The following P4HA3 variants were observed in gnomAD, a reference collection of about 807,000 sequenced individuals.
The protein encoded by P4HA3 is prolyl 4-hydroxylase subunit alpha 3, also known as prolyl 4-hydroxylase subunit alpha-3.
P4HA3 carries 60 observed loss-of-function variants against 66.7 expected under a neutral mutation model. The observed-to-expected ratio is 0.90, with a 90% CI of 0.73 to 1.12. P4HA3 has a LOEUF of 1.12. Ranked by LOEUF, P4HA3 falls within the 50% of genes most tolerant of loss-of-function variation. The pLI is 0.00. For missense variants in P4HA3, 683 were observed against 685.8 expected (o/e 1.00, Z 0.05); for synonymous variants, 263 against 274.6 (o/e 0.96, Z 0.42).
At chr11:74,256,589 G>C (rs534545153) in intron 15 of P4HA3, among the ~76,000 whole-genome samples, 1 of 152,138 alleles carries the variant, frequency 6.6e-6, no homozygotes, top group African/African-American at 2.4e-5. Context: ...CCTACTATGT[G>C]TTGGCCATAA....
At chr11:74,281,078 C>A (rs1351373536) in intron 7 of P4HA3, among the ~76,000 whole-genome samples, 1 of 152,194 alleles carries the variant, frequency 6.6e-6, no homozygotes, top group Non-Finnish European at 1.5e-5. Flanking sequence ...TGAACAGACA[C>A]TTCTCAAAAG....
intron 9 of P4HA3, among the ~76,000 whole-genome samples, chr11:74,275,671 A>G (rs752010400): frequency 1.3e-5 from 2 of 152,124 alleles, no homozygotes; most frequent in African/African-American, 2.4e-5. Flanking sequence ...TTGCATTTCC[A>G]TATACATTTT....
At chr11:74,299,905 T>C (rs964911939) in intron 3 of P4HA3, among the ~76,000 whole-genome samples, 21 of 152,152 alleles carry the variant, frequency 1.4e-4, no homozygotes, top group Non-Finnish European at 2.8e-4. Context: ...CTCATGAAAC[T>C]GGATTCTATA....
At chr11:74,290,591 G>T (rs2134780645) in intron 4 of P4HA3, among the ~76,000 whole-genome samples, 1 of 151,898 alleles carries the variant, frequency 6.6e-6, no homozygotes, top group East Asian at 1.9e-4. Flanking sequence ...TAACATTTAA[G>T]TCTTTAATCC....
chr11:74,287,286 A>G, intron 5 of P4HA3: 1 of 1,289,420 alleles, frequency 7.8e-7, no homozygotes, highest in South Asian at 1.2e-5. Context: ...AACCACAACC[A>G]TCACCCTGGC....
At chr11:74,255,425 A>G (rs576053913) in intron 15 of P4HA3, among the ~76,000 whole-genome samples, 2 of 152,206 alleles carry the variant, frequency 1.3e-5, no homozygotes, top group South Asian at 2.1e-4. Context: ...ACACTGTTGG[A>G]GGCTTCCTCC....
chr11:74,270,542 T>C (rs1860159670), intron 10 of P4HA3, among the ~76,000 whole-genome samples: 1 of 152,098 alleles, frequency 6.6e-6, no homozygotes, highest in African/African-American at 2.4e-5. Flanking sequence ...GTTTACATAG[T>C]GATAGTTGAC....
intron 9 of P4HA3, among the ~76,000 whole-genome samples, chr11:74,274,709 G>A (rs1860335580): frequency 2.6e-5 from 4 of 152,124 alleles, no homozygotes; most frequent in Admixed American, 1.3e-4. Context: ...ATATACATAG[G>A]TGTGAAATGG....
At chr11:74,289,204 T>TG in intron 4 of P4HA3, 74 bp from the exon 5 acceptor site, 1 of 875,764 alleles carries the variant, frequency 1.1e-6, no homozygotes, top group East Asian at 3.5e-5. Flanking sequence ...ACCATTAAAT[T>TG]AAAAAAAAAA....
chr11:74,280,649 G>GT (rs1377736959), intron 7 of P4HA3, among the ~76,000 whole-genome samples: 1 of 152,194 alleles, frequency 6.6e-6, no homozygotes, highest in Non-Finnish European at 1.5e-5. Flanking sequence ...TGGTGGTGGA[G>GT]TAGGTGCTTA....
At chr11:74,305,948 G>A (rs547201601) in intron 1 of P4HA3, among the ~76,000 whole-genome samples, 1 of 152,146 alleles carries the variant, frequency 6.6e-6, no homozygotes, top group African/African-American at 2.4e-5. Flanking sequence ...AAGGCTTAGT[G>A]GGGAGGACAG....
At chr11:74,296,925 T>C (rs933754081) in intron 4 of P4HA3, among the ~76,000 whole-genome samples, 3 of 138,290 alleles carry the variant, frequency 2.2e-5, no homozygotes, top group African/African-American at 8.0e-5. Flanking sequence ...GTTTTTTTTT[T>C]CTTTTTTTCT....
intron 2 of P4HA3, among the ~76,000 whole-genome samples, chr11:74,302,901 T>C (rs1226322879): frequency 6.6e-6 from 1 of 152,112 alleles, no homozygotes; most frequent in Non-Finnish European, 1.5e-5. Flanking sequence ...TTTTCTTTTT[T>C]TCTTTTTCTT....
chr11:74,307,345 G>C (rs546363099), intron 1 of P4HA3, among the ~76,000 whole-genome samples: 2 of 152,324 alleles, frequency 1.3e-5, no homozygotes, highest in African/African-American at 4.8e-5. Context: ...CAAAGGTAAA[G>C]TGGTAAAGCA....
At chr11:74,280,601 T>C (rs1465688047) in intron 7 of P4HA3, among the ~76,000 whole-genome samples, 1 of 152,194 alleles carries the variant, frequency 6.6e-6, no homozygotes, top group African/African-American at 2.4e-5. Flanking sequence ...GGACTTGGCC[T>C]TTTTTCAGTG....
At chr11:74,309,200 G>A (rs1273766575) in intron 1 of P4HA3, among the ~76,000 whole-genome samples, 2 of 152,214 alleles carry the variant, frequency 1.3e-5, no homozygotes, top group African/African-American at 4.8e-5. Context: ...AATCTTGAGT[G>A]AGCAACTAGA....
At position 74,288,545 on chromosome 11, in the gene P4HA3, G is replaced by A. The variant is rs988214271; in HGVS notation, c.769+534C>T. On this transcript the variant is annotated intron_variant, in intron 5 of 12. Coordinates refer to ENST00000331597, the MANE Select transcript of P4HA3 (RefSeq NM_182904.5). The stretch of plus-strand genomic sequence containing the variant: ...GGTTGGAAGAAGGAAGGGACAGGTT[G>A]ATATCTTCTCAGCATTTTCCAACTA... Among the ~76,000 whole-genome samples, 4 of 152,192 alleles carry A rather than the reference G, an allele frequency of 2.6e-5. No individual in the cohort carries two copies. The South Asian group carries it at 6.2e-4, about 24-fold the overall frequency.
intron 10 of P4HA3, 36 bp from the exon 11 acceptor site, chr11:74,269,756 G>T: frequency 6.2e-7 from 1 of 1,600,644 alleles, no homozygotes; most frequent in Non-Finnish European, 8.6e-7. Flanking sequence ...AGTTAAAACT[G>T]CCACCGACTT....
chr11:74,268,087 G>A (rs1270654214), intron 12 of P4HA3, 58 bp downstream of exon 12: 1 of 1,464,772 alleles, frequency 6.8e-7, no homozygotes, highest in Non-Finnish European at 9.5e-7. Flanking sequence ...CCCATCCCCT[G>A]TTTCACTCTA....
Sources: gnomAD v4.1 joint callset for allele counts (sites outside exome capture counted in the v4.1 genomes callset) on GRCh38, gnomAD v4.1.1 for gene constraint, MANE v1.5 for transcripts, NCBI Gene and HGNC (gene_info 2026-07-23, HGNC 2026-07-21) for gene names.